The following KIF20A variants were observed in gnomAD, a reference collection of about 807,000 sequenced individuals.
The protein encoded by KIF20A is kinesin family member 20A, also known as kinesin-like protein KIF20A.
KIF20A carries 66 observed loss-of-function variants against 113.0 expected under a neutral mutation model. The ratio of observed to expected loss-of-function variants is 0.58; its 90% CI spans 0.48 to 0.72. The LOEUF is 0.72. Ranked by LOEUF, KIF20A falls within the 30% of genes least tolerant of loss-of-function variation. The pLI is 0.00. For missense variants in KIF20A, 927 were observed against 1,077.6 expected (o/e 0.86, Z 1.96); for synonymous variants, 376 against 402.3 (o/e 0.93, Z 0.78).
At position 138,182,597 on chromosome 5, in the gene KIF20A, G is replaced by A. The variant is rs1754676685; in HGVS notation, c.526G>A (p.Asp176Asn). 1.9e-6 allele frequency: 3 copies of A among 1,614,158 alleles called. No homozygotes were observed. Among genetic ancestry groups the A allele is most frequent in the Non-Finnish European group, 2.5e-6 (3 of 1,180,030 alleles). ...KTHTIQGTIK[D>N]GGILPRSLAL... Reference sequence around the variant, plus strand: ...TCATATGCCTCCAGGTACCATCAAGGATGGAGGGATTCTCCCCCGGTCCCT... The same window carrying A: ...TCATATGCCTCCAGGTACCATCAAGAATGGAGGGATTCTCCCCCGGTCCCT... The change falls in exon 6 of 19, where the codon GAT becomes AAT. Residue 176 changes from aspartate (D) to asparagine (N), a missense_variant. By Grantham distance (23) the Asp-to-Asn change is conservative. Coordinates refer to ENST00000394894, the MANE Select transcript of KIF20A (RefSeq NM_005733.3).
chr5:138,187,134 A>G lies in KIF20A; in HGVS notation c.2394A>G (p.Leu798=). Residue 798 remains leucine (L), a synonymous_variant, in exon 19 of 19, where the codon CTA becomes CTG. Transcript: ENST00000394894. ...CTGAACTGCAGAACAACATGGTGCT[A>G]GTGAAACTGGACCTTCGGAAGAAGG... The part of the protein sequence containing the change: ...TLAELQNNMV[L]VKLDLRKKAA... The G allele has an allele frequency of 6.2e-7, 1 of 1,613,220 alleles. No individual in the cohort carries two copies. Among genetic ancestry groups the G allele is most frequent in the South Asian group, 1.1e-5 (1 of 91,084 alleles).
Position 138,184,401 on chromosome 5 carries a change from C to T in KIF20A, c.1515C>T (p.Ser505=). ...TGGCCAAGTTCTCAGCCATTGCTAG[C>T]CAGGTGAGAAGCTAGAGGTGTGATG... The part of the protein sequence containing the change: ...LHVAKFSAIA[S]QLVHAPPMQL... Residue 505 remains serine, a synonymous_variant, in exon 12 of 19, where the codon AGC becomes AGT. Coordinates refer to ENST00000394894, the MANE Select transcript of KIF20A (RefSeq NM_005733.3). 1 of 1,614,128 alleles carries T rather than the reference C, an allele frequency of 6.2e-7. No individual in the cohort carries two copies. Among genetic ancestry groups the T allele is most frequent in the African/African-American group, 1.3e-5 (1 of 75,034 alleles).
At chr5:138,179,886 C>G (rs560274254) in intron 2 of KIF20A, 41 bp downstream of exon 2, 2 of 1,601,412 alleles carry the variant, frequency 1.2e-6, no homozygotes, top group South Asian at 1.1e-5. Context: ...AAGTGATATC[C>G]TCAGGCCAAT....
Position 138,184,840 on chromosome 5 carries a change from C to A in KIF20A, c.1717C>A (p.Leu573Met). The change falls in exon 14 of 19, where the codon CTG becomes ATG. Residue 573 changes from leucine to methionine, a missense_variant. By Grantham distance (15) the Leu-to-Met change is conservative (BLOSUM62 2). Coordinates refer to ENST00000394894, the MANE Select transcript of KIF20A (RefSeq NM_005733.3). ...LLQVVEAMKT[L>M]LLKERQEKLQ... ...ACAAGTTGTGGAAGCCATGAAGACA[C>A]TGCTTTTGAAGGAACGACAGGAAAA... 1 of 1,614,180 alleles carries A rather than the reference C, an allele frequency of 6.2e-7. No individual in the cohort carries two copies. Among genetic ancestry groups the A allele is most frequent in the Non-Finnish European group, 8.5e-7 (1 of 1,180,024 alleles).
chr5:138,184,990 G>A (rs746523975), intron 14 of KIF20A, 44 bp downstream of exon 14: 1 of 1,609,546 alleles, frequency 6.2e-7, no homozygotes, highest in Admixed American at 1.7e-5. Flanking sequence ...CTGAGACAGA[G>A]GGTGGGAAGT....
intron 16 of KIF20A, 110 bp from the exon 17 acceptor site, chr5:138,185,851 A>G: frequency 7.7e-7 from 1 of 1,302,444 alleles, no homozygotes; most frequent in Non-Finnish European, 1.1e-6. Flanking sequence ...TAGGATACAC[A>G]TAGCCTCACT....
chr5:138,184,404 G>A lies in KIF20A; in HGVS notation c.1518G>A (p.Gln506=), dbSNP rs369666761. ...CCAAGTTCTCAGCCATTGCTAGCCA[G>A]GTGAGAAGCTAGAGGTGTGATGGGT... ...HVAKFSAIAS[Q]LVHAPPMQLG... is the part of the protein sequence containing the mutation. Residue 506 remains glutamine (Q), a splice_region_variant and synonymous_variant, in exon 12 of 19, where the codon CAG becomes CAA. Transcript: ENST00000394894. The A allele has an allele frequency of 6.2e-7, 1 of 1,614,078 alleles. No individual in the cohort carries two copies. Among genetic ancestry groups the A allele is most frequent in the Non-Finnish European group, 8.5e-7 (1 of 1,180,036 alleles).
At chr5:138,180,663 TTTTTTTTGTTTTTTGGG>T (rs1754647564) in intron 2 of KIF20A, among the ~76,000 whole-genome samples, 1 of 147,820 alleles carries the variant, frequency 6.8e-6, no homozygotes, top group Non-Finnish European at 1.5e-5. Flanking sequence ...AATATCTGGG[TTTTTTTTGTTTTTTGGG>T]TTTTTTTGTT....
rs148122140 is a variant in KIF20A at position 138,187,629 on chromosome 5, A to G, written c.*216A>G. Reference sequence around the variant, plus strand: ...TACTTATATGATTTCTATGCACACAAAAACAGTTATATTAAAGATATTATT... The same window carrying G: ...TACTTATATGATTTCTATGCACACAGAAACAGTTATATTAAAGATATTATT... On this transcript the variant is annotated 3_prime_UTR_variant, in exon 19 of 19. Transcript: ENST00000394894. The G allele has an allele frequency of 6.1e-3, 2,612 of 426,626 alleles. 13 individuals are homozygous for G. Among genetic ancestry groups the G allele is most frequent in the Middle Eastern group, 0.022 (35 of 1,578 alleles). 26.4% of individuals were successfully genotyped at this position (426,626 alleles called of 1,614,324 possible). A position where few individuals can be genotyped will look rare whatever the true frequency, so the allele number is the denominator to read the frequency against.
chr5:138,184,432 G>A (rs1383784052), intron 12 of KIF20A, 28 bp downstream of exon 12: 4 of 1,613,422 alleles, frequency 2.5e-6, no homozygotes. Flanking sequence ...TGATGGGTGT[G>A]CGCACTTGGA....
intron 3 of KIF20A, 46 bp from the exon 4 acceptor site, chr5:138,181,563 T>G (rs768497699): frequency 6.2e-7 from 1 of 1,614,104 alleles, no homozygotes; most frequent in East Asian, 2.2e-5. Flanking sequence ...GTACAAAAGA[T>G]TCCCAGGAAT....
At chr5:138,185,305 C>T (rs1423329688) in intron 15 of KIF20A, 108 bp downstream of exon 15, 1 of 847,852 alleles carries the variant, frequency 1.2e-6, no homozygotes, top group Non-Finnish European at 1.9e-6. Context: ...GAATATATAA[C>T]TCCCTTTTCT....
intron 18 of KIF20A, 101 bp from the exon 19 acceptor site, chr5:138,186,995 G>T (rs1754755343): frequency 1.2e-6 from 1 of 847,598 alleles, no homozygotes; most frequent in South Asian, 1.9e-5. Flanking sequence ...AGAAACAGTT[G>T]TTAGTAACTA....
chr5:138,187,535 A>G lies in KIF20A; in HGVS notation c.*122A>G. 1 of 760,688 alleles carries G rather than the reference A, an allele frequency of 1.3e-6. No homozygotes were observed. Among genetic ancestry groups the G allele is most frequent in the Non-Finnish European group, 2.1e-6 (1 of 484,876 alleles). The allele number at this position is 760,688 out of a possible 1,614,324, so 47.1% of individuals were successfully genotyped here. A position where few individuals can be genotyped will look rare whatever the true frequency, so the allele number is the denominator to read the frequency against. ...ATTATATCCAGGATGCAATACTCAGACACTAGCTTTTTTCTCACTTTTGTA... is the reference window on the plus strand; with the variant it reads ...ATTATATCCAGGATGCAATACTCAGGCACTAGCTTTTTTCTCACTTTTGTA... On this transcript the variant is annotated 3_prime_UTR_variant, in exon 19 of 19. Transcript: ENST00000394894.
Position 138,183,607 on chromosome 5 carries a change from T to C in KIF20A, c.1139+26T>C, listed in dbSNP as rs760871873. On this transcript the variant is annotated intron_variant, in intron 9 of 18. Coordinates refer to ENST00000394894, the MANE Select transcript of KIF20A (RefSeq NM_005733.3). The surrounding 1 kb of genome is among the most constrained non-coding windows in gnomAD (Gnocchi z 5.2). ...GTGAGTAGATTGTAAGAATAAACTCTTCACTGTGTTCCAGGAAACATTAGT... is the reference window on the plus strand; with the variant it reads ...GTGAGTAGATTGTAAGAATAAACTCCTCACTGTGTTCCAGGAAACATTAGT... 9 of 1,608,444 alleles carry C rather than the reference T, an allele frequency of 5.6e-6. No homozygotes were observed. The highest frequency in any genetic ancestry group is 7.7e-6 in the Non-Finnish European group (9 of 1,175,092).
In KIF20A at chr5:138,184,608, G is replaced by A; in HGVS notation, c.1615G>A (p.Ala539Thr). 3.1e-6 allele frequency: 5 copies of A among 1,614,186 alleles called. No homozygotes were observed. Among genetic ancestry groups the A allele is most frequent in the Non-Finnish European group, 4.2e-6 (5 of 1,180,014 alleles). Residue 539 changes from alanine to threonine, a missense_variant, in exon 13 of 19, where the codon GCT (alanine) becomes ACT (threonine). By Grantham distance (58) the Ala-to-Thr change is moderately conservative. Coordinates refer to ENST00000394894, the MANE Select transcript of KIF20A (RefSeq NM_005733.3). ...LQVSPSLEKG[A>T]KADTGLDDDI... The stretch of plus-strand genomic sequence containing the variant: ...GGTATCCCCCAGCTTAGAGAAAGGG[G>A]CTAAGGCAGACACAGGCCTTGATGA...
rs2151234704 is a variant in KIF20A, at chr5:138,187,383, C to T, written c.2643C>T (p.Leu881=). 4.3e-6 allele frequency: 7 copies of T among 1,613,620 alleles called. No individual in the cohort carries two copies. Among genetic ancestry groups the T allele is most frequent in the East Asian group, 2.2e-5 (1 of 44,876 alleles). ...RILRSRRSPL[L]KSGPFGKKY ...TACGCTCACGGCGTTCCCCTTTACT[C>T]AAATCTGGGCCTTTTGGCAAAAAGT... Residue 881 remains leucine, a synonymous_variant, in exon 19 of 19, where the codon CTC becomes CTT. Transcript: ENST00000394894.
chr5:138,187,143 G>C lies in KIF20A; in HGVS notation c.2403G>C (p.Leu801=), dbSNP rs781777987. The C allele has an allele frequency of 6.2e-7, 1 of 1,613,572 alleles. No homozygotes were observed. Among genetic ancestry groups the C allele is most frequent in the African/African-American group, 1.3e-5 (1 of 74,900 alleles). Residue 801 remains leucine (L), a synonymous_variant, in exon 19 of 19, where the codon CTG becomes CTC. Coordinates refer to ENST00000394894, the MANE Select transcript of KIF20A (RefSeq NM_005733.3). ...ELQNNMVLVK[L]DLRKKAACIA... ...AGAACAACATGGTGCTAGTGAAACT[G>C]GACCTTCGGAAGAAGGCAGCATGTA... is the stretch of plus-strand genomic sequence containing the variant.
At position 138,181,589 on chromosome 5, in the gene KIF20A, T is replaced by C; in HGVS notation, c.256-20T>C. 1.2e-6 allele frequency: 2 copies of C among 1,614,208 alleles called. No individual in the cohort carries two copies. The highest frequency in any genetic ancestry group is 2.2e-5 in the East Asian group (1 of 44,886). Reference sequence around the variant, plus strand: ...TCCCAGGAATGCCTTCTGTGACAACTGTATTTTCTCCCTTCTCAGGGTTGT... The same window carrying C: ...TCCCAGGAATGCCTTCTGTGACAACCGTATTTTCTCCCTTCTCAGGGTTGT... On this transcript the variant is annotated intron_variant, in intron 3 of 18. Transcript: ENST00000394894.
Sources: allele counts gnomAD v4.1 joint callset (sites outside exome capture counted in the v4.1 genomes callset), GRCh38; gene constraint gnomAD v4.1.1; non-coding constraint Gnocchi (gnomAD v3.1); transcripts MANE v1.5; gene names NCBI Gene and HGNC (gene_info 2026-07-23, HGNC 2026-07-21).